The following PATJ variants were observed in gnomAD, a reference collection of about 807,000 sequenced individuals.
PATJ encodes inaD-like protein.
PATJ carries 190 observed loss-of-function variants against 224.9 expected under a neutral mutation model. That is an observed-to-expected ratio of 0.84 (90% CI 0.75 to 0.95). The LOEUF is 0.95. Among genes scored for constraint, PATJ ranks in the 40% least tolerant of loss-of-function variants. PATJ has a pLI of 0.00. For missense variants in PATJ, 2,121 were observed against 2,270.3 expected (o/e 0.93, Z 1.34); for synonymous variants, 769 against 820.3 (o/e 0.94, Z 1.07).
At chr1:62,029,311 A>G (rs1648728159) in intron 29 of PATJ, among the ~76,000 whole-genome samples, 1 of 152,168 alleles carries the variant, frequency 6.6e-6, no homozygotes, top group Non-Finnish European at 1.5e-5. Flanking sequence ...TGCCTGTTAC[A>G]TTAGATGTCT....
intron 26 of PATJ, 147 bp downstream of exon 26, chr1:61,914,811 T>C: frequency 2.1e-6 from 1 of 474,926 alleles, no homozygotes; most frequent in Non-Finnish European, 3.9e-6. Context: ...CCTGCAAATA[T>C]GACTGGTTCT....
intron 42 of PATJ, among the ~76,000 whole-genome samples, chr1:62,149,762 A>C (rs1668437818): frequency 6.6e-6 from 1 of 152,022 alleles, no homozygotes; most frequent in Admixed American, 6.6e-5. Context: ...AGCTTAAAGG[A>C]ATTTAAAAAT....
chr1:61,748,134 C>A (rs938175145), intron 1 of PATJ, among the ~76,000 whole-genome samples: 1 of 151,922 alleles, frequency 6.6e-6, no homozygotes, highest in Non-Finnish European at 1.5e-5. Context: ...CCGCCTCGGC[C>A]TCCCAAAGTG....
chr1:61,783,174 G>T (rs1313504994), intron 7 of PATJ, among the ~76,000 whole-genome samples: 2 of 152,172 alleles, frequency 1.3e-5, no homozygotes, highest in Admixed American at 6.5e-5. Flanking sequence ...TATATAAACA[G>T]ATATTTTCTT....
intron 29 of PATJ, among the ~76,000 whole-genome samples, chr1:62,031,893 C>T (rs531631840): frequency 6.6e-6 from 1 of 152,330 alleles, no homozygotes; most frequent in African/African-American, 2.4e-5. Flanking sequence ...GGATTTTGAA[C>T]AATGGTACCT....
intron 1 of PATJ, among the ~76,000 whole-genome samples, chr1:61,756,571 T>TTC (rs1312126552): frequency 1.4e-5 from 2 of 144,352 alleles, no homozygotes; most frequent in African/African-American, 5.2e-5. Context: ...CACTTTTTTT[T>TTC]TTTTTTTTTT....
rs533525799 is a variant in PATJ at position 61,813,197 on chromosome 1, A to G, written c.1683+4667A>G. On this transcript the variant is annotated intron_variant, in intron 14 of 43. Transcript: ENST00000642238. ...AAGACAGCAAGGAAAAAAGGCACAAAGCACACTTTGTGTACATTTTTGAAG... is the reference window on the plus strand; with the variant it reads ...AAGACAGCAAGGAAAAAAGGCACAAGGCACACTTTGTGTACATTTTTGAAG... 4.6e-5 allele frequency among the ~76,000 whole-genome samples: 7 copies of G among 151,700 alleles called. No homozygotes were observed. The South Asian group carries it at 1.5e-3, about 32-fold the overall frequency.
At chr1:61,764,007 T>TG (rs1553153455) in intron 3 of PATJ, among the ~76,000 whole-genome samples, 2 of 149,682 alleles carry the variant, frequency 1.3e-5, no homozygotes, top group South Asian at 2.1e-4. Flanking sequence ...GTCTTTTTTT[T>TG]TGTGTGTGTG....
At chr1:62,017,729 CAAA>C (rs58692636) in intron 28 of PATJ, 124 bp from the exon 29 acceptor site, 1,766 of 321,314 alleles carry the variant, frequency 5.5e-3, no homozygotes, top group South Asian at 8.1e-3. Context: ...GAGACTGTCT[CAAA>C]AAAAAAAAAA....
intron 41 of PATJ, among the ~76,000 whole-genome samples, chr1:62,144,729 T>C (rs1013455864): frequency 2.1e-5 from 3 of 145,650 alleles, no homozygotes; most frequent in African/African-American, 7.7e-5. Context: ...CCCAGAGCTA[T>C]ACTATATTTC....
chr1:61,990,460 A>G, intron 28 of PATJ, 96 bp downstream of exon 28: 2 of 745,592 alleles, frequency 2.7e-6, no homozygotes, highest in Non-Finnish European at 2.0e-6. Flanking sequence ...GAATGATGTC[A>G]AATTATATTT....
chr1:62,159,639 A>G (rs1570883668), intron 43 of PATJ, among the ~76,000 whole-genome samples: 1 of 147,972 alleles, frequency 6.8e-6, no homozygotes, highest in Non-Finnish European at 1.5e-5. Flanking sequence ...GCTCACTCCA[A>G]CCTCTGCAGG....
chr1:62,031,509 C>T (rs2148477377), intron 29 of PATJ, among the ~76,000 whole-genome samples: 1 of 152,270 alleles, frequency 6.6e-6, no homozygotes, highest in African/African-American at 2.4e-5. Context: ...ATACAGTGAG[C>T]AGACTTAGAA....
chr1:61,857,899 C>T (rs896502880), intron 18 of PATJ, among the ~76,000 whole-genome samples: 7 of 152,084 alleles, frequency 4.6e-5, no homozygotes, highest in Middle Eastern at 3.4e-3. Context: ...TAGAGAATTC[C>T]GAAGGTATTT....
intron 41 of PATJ, among the ~76,000 whole-genome samples, chr1:62,143,725 C>G (rs1474713052): frequency 1.3e-5 from 2 of 152,256 alleles, no homozygotes; most frequent in Non-Finnish European, 2.9e-5. Context: ...GCTGGGATTA[C>G]AGGCGTGAGC....
intron 33 of PATJ, among the ~76,000 whole-genome samples, 153 bp from the exon 34 acceptor site, chr1:62,108,284 G>A (rs956141184): frequency 6.6e-6 from 1 of 152,040 alleles, no homozygotes; most frequent in Non-Finnish European, 1.5e-5. Flanking sequence ...TTATACCTCT[G>A]AATATATCAT....
chr1:62,106,077 TATACACACAC>T (rs1256929268), intron 33 of PATJ, among the ~76,000 whole-genome samples: 2 of 16,488 alleles, frequency 1.2e-4, no homozygotes, highest in Admixed American at 1.8e-3. Context: ...TATATATATA[TATACACACAC>T]ACACACACAC....
At chr1:61,782,940 A>G (rs1253209203) in intron 7 of PATJ, among the ~76,000 whole-genome samples, 1 of 152,246 alleles carries the variant, frequency 6.6e-6, no homozygotes, top group African/African-American at 2.4e-5. Context: ...TCTTCAGAAC[A>G]CAGCCTATTT....
At chr1:62,135,242 T>G (rs1666700457) in intron 41 of PATJ, among the ~76,000 whole-genome samples, 1 of 151,802 alleles carries the variant, frequency 6.6e-6, no homozygotes. Context: ...TTAGGCCAGG[T>G]GTGGTGGCTC....
Sources: allele counts gnomAD v4.1 joint callset (sites outside exome capture counted in the v4.1 genomes callset), GRCh38; gene constraint gnomAD v4.1.1; transcripts MANE v1.5; gene names NCBI Gene and HGNC (gene_info 2026-07-23, HGNC 2026-07-21).